The following AK7 variants were observed in gnomAD, a reference collection of about 807,000 sequenced individuals.
AK7 encodes the protein ATP-AMP transphosphorylase 7.
Under a neutral mutation model 96.6 loss-of-function variants are expected in AK7, and 78 were observed. The ratio of observed to expected loss-of-function variants is 0.81; its 90% CI spans 0.67 to 0.97. AK7 has a LOEUF of 0.97. AK7 is among the 50% of genes least tolerant of loss of function. The pLI is 0.00. For missense variants in AK7, 855 were observed against 887.9 expected (o/e 0.96, Z 0.47); for synonymous variants, 302 against 317.2 (o/e 0.95, Z 0.51).
chr14:96,486,844 T>A, intron 16 of AK7, 54 bp from the exon 17 acceptor site: 1 of 1,522,912 alleles, frequency 6.6e-7, no homozygotes, highest in East Asian at 2.3e-5. Flanking sequence ...ACTGTGTGAG[T>A]GTTCTCCCCT....
intron 12 of AK7, among the ~76,000 whole-genome samples, chr14:96,463,068 C>A (rs565131483): frequency 1.3e-5 from 2 of 152,144 alleles, no homozygotes. Context: ...ACCCTAGAGG[C>A]AGAGGTTGCA....
At chr14:96,415,704 A>G (rs1360719338) in intron 4 of AK7, among the ~76,000 whole-genome samples, 3 of 142,918 alleles carry the variant, frequency 2.1e-5, no homozygotes, top group Admixed American at 1.4e-4. Flanking sequence ...AATGAAGGGT[A>G]AATATTAATT....
In AK7 at chr14:96,446,476, G is replaced by A. The variant is rs1297457482; in HGVS notation, c.780-41G>A. On this transcript the variant is annotated intron_variant, in intron 7 of 17. Coordinates refer to ENST00000267584, the MANE Select transcript of AK7 (RefSeq NM_152327.5). ...AATTCTAGTTTACTGCATCTCTTTC[G>A]CTTTTTCCCTTTGATGATTATTTTA... 22 of 1,569,662 alleles carry A rather than the reference G, an allele frequency of 1.4e-5. No homozygotes were observed. The East Asian group carries it at 2.2e-4, about 16-fold the overall frequency.
chr14:96,449,977 A>G, intron 9 of AK7, 98 bp downstream of exon 9: 1 of 962,134 alleles, frequency 1.0e-6, no homozygotes, highest in Non-Finnish European at 1.5e-6. Context: ...GCTAAATAAC[A>G]TTGATCTGTG....
rs372308428 is a variant in AK7, at chr14:96,442,869, G to A, written c.779+51G>A. The A allele has an allele frequency of 9.2e-4, 1,390 of 1,512,772 alleles. 2 individuals carry two copies. Among genetic ancestry groups the A allele is most frequent in the Non-Finnish European group, 1.2e-3 (1,289 of 1,088,168 alleles). 93.7% of individuals were successfully genotyped at this position (1,512,772 alleles called of 1,614,324 possible). ...CTTCACAGAATTGGTTAATGTGTTT[G>A]TTTGTAGCCTAATACTTTTTGAGCA... On this transcript the variant is annotated intron_variant, in intron 7 of 17. Coordinates refer to ENST00000267584, the MANE Select transcript of AK7 (RefSeq NM_152327.5).
intron 5 of AK7, among the ~76,000 whole-genome samples, chr14:96,422,661 C>T (rs8013250): frequency 0.21 from 31,261 of 152,064 alleles, 3,492 homozygotes; most frequent in East Asian, 0.5. Context: ...GCACATCACG[C>T]GCTGTTGGCT....
At chr14:96,412,327 A>C (rs1891085209) in intron 4 of AK7, among the ~76,000 whole-genome samples, 1 of 150,034 alleles carries the variant, frequency 6.7e-6, no homozygotes. Flanking sequence ...TCCCAGGTTC[A>C]AGCAATTCTC....
intron 15 of AK7, among the ~76,000 whole-genome samples, chr14:96,482,267 G>A (rs28405063): frequency 0.17 from 25,763 of 152,058 alleles, 2,245 homozygotes; most frequent in African/African-American, 0.21. Flanking sequence ...AAACAAACAT[G>A]GGAGGGGTGG....
chr14:96,411,264 C>A (rs1317083108), intron 4 of AK7, among the ~76,000 whole-genome samples: 1 of 152,210 alleles, frequency 6.6e-6, no homozygotes, highest in Admixed American at 6.5e-5. Context: ...AATCCCAACA[C>A]TTTGGAAGGC....
intron 5 of AK7, among the ~76,000 whole-genome samples, chr14:96,430,677 T>C (rs568827536): frequency 7.2e-5 from 11 of 152,330 alleles, no homozygotes; most frequent in Non-Finnish European, 1.6e-4. Flanking sequence ...TGGATTTGGT[T>C]TGCCAGTATT....
intron 2 of AK7, among the ~76,000 whole-genome samples, chr14:96,401,967 G>A (rs529908527): frequency 6.6e-6 from 1 of 152,322 alleles, no homozygotes; most frequent in Admixed American, 6.5e-5. Flanking sequence ...GTACAAGAGT[G>A]CCTGGCTAAG....
intron 10 of AK7, among the ~76,000 whole-genome samples, chr14:96,452,629 T>C (rs1893671342): frequency 6.6e-6 from 1 of 152,072 alleles, no homozygotes; most frequent in Non-Finnish European, 1.5e-5. Flanking sequence ...CCTGGCTGCA[T>C]CAACTTTTTC....
intron 1 of AK7, among the ~76,000 whole-genome samples, chr14:96,395,907 G>A (rs1890053965): frequency 7.0e-6 from 1 of 143,710 alleles, no homozygotes; most frequent in Non-Finnish European, 1.5e-5. Flanking sequence ...CACCTCCTGG[G>A]TTCAGGCGAT....
chr14:96,429,624 C>G (rs1287141914), intron 5 of AK7, among the ~76,000 whole-genome samples: 1 of 151,992 alleles, frequency 6.6e-6, no homozygotes, highest in East Asian at 1.9e-4. Flanking sequence ...TTTTTGTGTC[C>G]TCTTTTATTT....
chr14:96,440,110 G>A (rs1001598260), intron 6 of AK7, among the ~76,000 whole-genome samples: 3 of 152,126 alleles, frequency 2.0e-5, no homozygotes, highest in African/African-American at 7.2e-5. Flanking sequence ...CGAGTAGCTG[G>A]GATTACAGGT....
intron 17 of AK7, 127 bp from the exon 18 acceptor site, chr14:96,488,178 G>T (rs563247902): frequency 1.9e-5 from 15 of 779,620 alleles, no homozygotes; most frequent in South Asian, 1.8e-4. Context: ...CTCCCAAAGT[G>T]CTGGGATTAC....
intron 6 of AK7, among the ~76,000 whole-genome samples, chr14:96,442,070 A>G (rs959678584): frequency 1.7e-4 from 26 of 151,976 alleles, no homozygotes; most frequent in Admixed American, 1.6e-3. Flanking sequence ...TACCTCTTTC[A>G]CTCTTAACAA....
At chr14:96,434,806 A>G (rs998315280) in intron 5 of AK7, among the ~76,000 whole-genome samples, 1 of 152,154 alleles carries the variant, frequency 6.6e-6, no homozygotes, top group African/African-American at 2.4e-5. Context: ...TCACACCACA[A>G]GACGTAGTCC....
Position 96,488,824 on chromosome 14 carries a change from C to CTTTT in AK7, c.*497_*500dup, listed in dbSNP as rs11361139. 2 of 127,786 alleles carry CTTTT rather than the reference C, an allele frequency of 1.6e-5. No homozygotes were observed. Among genetic ancestry groups the CTTTT allele is most frequent in the African/African-American group, 2.9e-5 (1 of 34,254 alleles). 7.9% of individuals were successfully genotyped at this position (127,786 alleles called of 1,614,324 possible). ...GACAAGATTGGTGCCTGTAAGGTGG[C>CTTTT]TTTTTTTTTTTTTTTTTTTAAATGA... On this transcript the variant is annotated 3_prime_UTR_variant, in exon 18 of 18. Coordinates refer to ENST00000267584, the MANE Select transcript of AK7 (RefSeq NM_152327.5).
Sources: allele counts gnomAD v4.1 joint callset (sites outside exome capture counted in the v4.1 genomes callset), GRCh38; gene constraint gnomAD v4.1.1; transcripts MANE v1.5; gene names NCBI Gene and HGNC (gene_info 2026-07-23, HGNC 2026-07-21).